Variants in GABRA2 observed in about 807,000 individuals in gnomAD.
GABRA2 encodes the protein gamma-aminobutyric acid receptor subunit alpha-2.
GABRA2 carries 16 observed loss-of-function variants against 48.7 expected under a neutral mutation model. The observed-to-expected ratio is 0.33, with a 90% CI of 0.22 to 0.50. The LOEUF is 0.50. Among genes scored for constraint, GABRA2 ranks in the 20% least tolerant of loss-of-function variants. GABRA2 has a pLI of 0.98. For missense variants in GABRA2, 275 were observed against 535.6 expected (o/e 0.51, Z 4.80); for synonymous variants, 185 against 184.5 (o/e 1.00, Z -0.02).
chr4:46,289,455 A>C (rs1053876715), intron 8 of GABRA2, among the ~76,000 whole-genome samples: 2 of 152,188 alleles, frequency 1.3e-5, no homozygotes, highest in Non-Finnish European at 2.9e-5. Flanking sequence ...GGAATAGAAA[A>C]CCAAACACTG....
chr4:46,321,243 G>A (rs1303738939), intron 4 of GABRA2, among the ~76,000 whole-genome samples: 1 of 151,652 alleles, frequency 6.6e-6, no homozygotes, highest in African/African-American at 2.4e-5. Flanking sequence ...GATGTGAAGA[G>A]GGAAAAAATG....
intron 3 of GABRA2, among the ~76,000 whole-genome samples, chr4:46,343,357 T>C (rs1733617861): frequency 6.6e-6 from 1 of 151,980 alleles, no homozygotes; most frequent in African/African-American, 2.4e-5. Context: ...CCATTTAGCC[T>C]GACTCAATTT....
intron 3 of GABRA2, among the ~76,000 whole-genome samples, chr4:46,372,707 C>T (rs1323009368): frequency 6.6e-6 from 1 of 152,224 alleles, no homozygotes; most frequent in South Asian, 2.1e-4. Context: ...TATTCCAATG[C>T]TAAAGAGCAA....
intron 7 of GABRA2, among the ~76,000 whole-genome samples, chr4:46,304,818 C>T (rs1198580292): frequency 1.3e-5 from 2 of 148,356 alleles, no homozygotes; most frequent in African/African-American, 5.0e-5. Context: ...CCCAGCTACT[C>T]GGGAGGCTGA....
intron 7 of GABRA2, among the ~76,000 whole-genome samples, chr4:46,304,923 CA>C (rs34292975): frequency 0.017 from 1,384 of 80,618 alleles, 18 homozygotes; most frequent in African/African-American, 0.052. Flanking sequence ...GACTCTGTCT[CA>C]AAAAAAAAAA....
intron 4 of GABRA2, among the ~76,000 whole-genome samples, chr4:46,327,246 G>T (rs1407115232): frequency 6.6e-6 from 1 of 151,890 alleles, no homozygotes; most frequent in African/African-American, 2.4e-5. Flanking sequence ...AGACTTTCAT[G>T]TTCTACAAAT....
At chr4:46,329,329 A>T (rs1321169576) in intron 4 of GABRA2, among the ~76,000 whole-genome samples, 1 of 152,114 alleles carries the variant, frequency 6.6e-6, no homozygotes, top group Non-Finnish European at 1.5e-5. Flanking sequence ...TAGTCACAAG[A>T]GAAGGGAGCT....
chr4:46,386,252 CT>C (rs1560615235), intron 2 of GABRA2, 63 bp from the exon 3 acceptor site: 1 of 940,790 alleles, frequency 1.1e-6, no homozygotes, highest in East Asian at 2.8e-5. Context: ...TGCCAACATG[CT>C]TTTCTTCCTT....
intron 8 of GABRA2, among the ~76,000 whole-genome samples, chr4:46,269,612 TA>T (rs59854166): frequency 2.6e-5 from 4 of 151,786 alleles, no homozygotes; most frequent in Non-Finnish European, 5.9e-5. Flanking sequence ...ATAAACGTAG[TA>T]AAAAAAATCA....
chr4:46,324,078 C>A (rs929727990), intron 4 of GABRA2, among the ~76,000 whole-genome samples: 1 of 151,872 alleles, frequency 6.6e-6, no homozygotes, highest in Admixed American at 6.6e-5. Flanking sequence ...AAAATGTTAC[C>A]TCCACTCTTT....
chr4:46,286,780 GT>G (rs2109502192), intron 8 of GABRA2, among the ~76,000 whole-genome samples: 1 of 152,148 alleles, frequency 6.6e-6, no homozygotes, highest in African/African-American at 2.4e-5. Context: ...TCTTTGCCCA[GT>G]TTTTAGATTT....
chr4:46,359,271 G>T (rs80154332), intron 3 of GABRA2, among the ~76,000 whole-genome samples: 6,204 of 152,084 alleles, frequency 0.041, 172 homozygotes, highest in Middle Eastern at 0.065. Flanking sequence ...TTCTACTTTC[G>T]TTGTAAAGTC....
At position 46,316,309 on chromosome 4, in the gene GABRA2, A is replaced by C. The variant is rs567721308; in HGVS notation, c.256-3593T>G. On this transcript the variant is annotated intron_variant, in intron 4 of 9. Coordinates refer to ENST00000381620, the MANE Select transcript of GABRA2 (RefSeq NM_000807.4). The stretch of plus-strand genomic sequence containing the variant: ...TTTTTCCATTAAGTGTTAGTCAATA[A>C]ACATTTTAGAATTTGTGGGCCATAT... 9.8e-4 allele frequency among the ~76,000 whole-genome samples: 149 copies of C among 152,164 alleles called. 1 individual carries two copies. Among genetic ancestry groups the C allele is most frequent in the African/African-American group, 3.5e-3 (147 of 41,564 alleles).
At chr4:46,264,877 C>A (rs189898648) in intron 8 of GABRA2, among the ~76,000 whole-genome samples, 3,682 of 151,284 alleles carry the variant, frequency 0.024, 81 homozygotes, top group Admixed American at 0.039. Flanking sequence ...AAGGTTTACT[C>A]AGAATCTTGA....
At chr4:46,381,413 G>C (rs1336658357) in intron 3 of GABRA2, among the ~76,000 whole-genome samples, 1 of 152,128 alleles carries the variant, frequency 6.6e-6, no homozygotes, top group Non-Finnish European at 1.5e-5. Flanking sequence ...CTACAGTCTT[G>C]TTAGATAAGA....
At chr4:46,357,670 T>C (rs186100139) in intron 3 of GABRA2, among the ~76,000 whole-genome samples, 8,813 of 148,322 alleles carry the variant, frequency 0.059, 367 homozygotes, top group Admixed American at 0.11. Flanking sequence ...TTCTTTCTTT[T>C]TTTTTTTTTT....
chr4:46,285,026 C>CA (rs201301399), intron 8 of GABRA2, among the ~76,000 whole-genome samples: 4,680 of 118,338 alleles, frequency 0.04, 152 homozygotes, highest in African/African-American at 0.097. Flanking sequence ...TGCTCACCCT[C>CA]AAAAAAAAAA....
chr4:46,275,187 C>A (rs944039054), intron 8 of GABRA2, among the ~76,000 whole-genome samples: 1 of 152,008 alleles, frequency 6.6e-6, no homozygotes, highest in Non-Finnish European at 1.5e-5. Context: ...ATCTTAATGA[C>A]CAAACTACTC....
intron 3 of GABRA2, among the ~76,000 whole-genome samples, chr4:46,371,656 G>A (rs778403999): frequency 4.6e-5 from 7 of 152,012 alleles, no homozygotes; most frequent in Middle Eastern, 3.2e-3. Flanking sequence ...TAGAGAAATT[G>A]CATTTAATAT....
Sources: gnomAD v4.1 joint callset for allele counts (sites outside exome capture counted in the v4.1 genomes callset) on GRCh38, gnomAD v4.1.1 for gene constraint, MANE v1.5 for transcripts, NCBI Gene and HGNC (gene_info 2026-07-23, HGNC 2026-07-21) for gene names.